INPP4B: variants seen among roughly 807,000 people sequenced by gnomAD.
The protein encoded by INPP4B is inositol polyphosphate-4-phosphatase type II B.
A neutral mutation model predicts 122.5 loss-of-function variants in INPP4B; 55 were observed. The ratio of observed to expected loss-of-function variants is 0.45; its 90% confidence interval spans 0.36 to 0.56. INPP4B has a LOEUF of 0.56. INPP4B is among the 20% of genes least tolerant of loss of function. The pLI, the probability that INPP4B is intolerant of heterozygous loss-of-function variation, is 0.00. For synonymous variants in INPP4B, 403 were observed against 388.7 expected (o/e 1.04, Z -0.43); for missense variants, 1,000 against 1,097.7 (o/e 0.91, Z 1.26).
chr4:142,053,140 G>A (rs1419478887), intron 25 of INPP4B, among the ~76,000 whole-genome samples: 1 of 152,004 alleles, frequency 6.6e-6, no homozygotes, highest in Non-Finnish European at 1.5e-5. Flanking sequence ...AAAGGACACG[G>A]CCAACAGGGA....
At chr4:142,800,995 A>G (rs1777923926) in intron 1 of INPP4B, among the ~76,000 whole-genome samples, 1 of 152,150 alleles carries the variant, frequency 6.6e-6, no homozygotes. Flanking sequence ...AATAGATTTG[A>G]TGAAGAGTGT....
intron 2 of INPP4B, among the ~76,000 whole-genome samples, chr4:142,582,194 A>AC (rs1735235846): frequency 1.0e-5 from 1 of 98,224 alleles, no homozygotes; most frequent in Non-Finnish European, 2.7e-5. Flanking sequence ...TCTAATGGAT[A>AC]CAAAAAAAAA....
intron 7 of INPP4B, among the ~76,000 whole-genome samples, chr4:142,389,882 G>C (rs1050391035): frequency 4.6e-5 from 7 of 152,184 alleles, no homozygotes; most frequent in African/African-American, 1.7e-4. Flanking sequence ...TTTTTGCCTA[G>C]AGGATGAAAG....
At chr4:142,839,511 A>G (rs1363394924) in intron 1 of INPP4B, among the ~76,000 whole-genome samples, 1 of 152,204 alleles carries the variant, frequency 6.6e-6, no homozygotes, top group African/African-American at 2.4e-5. Context: ...TCAAGTACTT[A>G]ATTTACCTAA....
intron 11 of INPP4B, among the ~76,000 whole-genome samples, chr4:142,245,185 A>G (rs1360695171): frequency 6.6e-6 from 1 of 152,034 alleles, no homozygotes; most frequent in Non-Finnish European, 1.5e-5. Context: ...GTTCACTCTG[A>G]TGATAGTTTC....
chr4:142,488,228 C>A (rs1821432849), intron 2 of INPP4B, among the ~76,000 whole-genome samples: 1 of 151,958 alleles, frequency 6.6e-6, no homozygotes, highest in Non-Finnish European at 1.5e-5. Flanking sequence ...TTGAACCAAT[C>A]TTGAATTCCT....
chr4:142,387,560 G>A lies in INPP4B; in HGVS notation c.372+15378C>T, dbSNP rs563636633. Among the ~76,000 whole-genome samples, 7 of 152,078 alleles carry A rather than the reference G, an allele frequency of 4.6e-5. No homozygotes were observed. In the South Asian group the frequency reaches 1.5e-3, roughly 32 times the overall value. On this transcript the variant is annotated intron_variant, in intron 7 of 25. Coordinates refer to ENST00000262992, the MANE Select transcript of INPP4B (RefSeq NM_001101669.3). ...CAAGGTTATATAGTGTGGCAAGCAG[G>A]GTTAGGTCACTAGGGCCACTCAGGG... is the stretch of plus-strand genomic sequence containing the variant.
At chr4:142,122,623 G>T (rs1797029104) in intron 20 of INPP4B, among the ~76,000 whole-genome samples, 1 of 151,954 alleles carries the variant, frequency 6.6e-6, no homozygotes. Context: ...TGCTAGTTTT[G>T]CATCTCCATA....
chr4:142,276,167 C>G (rs1241031049), intron 9 of INPP4B, among the ~76,000 whole-genome samples: 2 of 151,834 alleles, frequency 1.3e-5, no homozygotes, highest in Non-Finnish European at 1.5e-5. Context: ...AGTTTTATTA[C>G]TTCTCCTGTG....
chr4:142,186,878 T>A (rs1302914152), intron 15 of INPP4B, among the ~76,000 whole-genome samples: 1 of 152,170 alleles, frequency 6.6e-6, no homozygotes, highest in African/African-American at 2.4e-5. Flanking sequence ...CTTCATACAG[T>A]ATGTTCAAGC....
intron 2 of INPP4B, among the ~76,000 whole-genome samples, chr4:142,643,221 C>G (rs1359813228): frequency 1.3e-5 from 2 of 151,668 alleles, no homozygotes; most frequent in African/African-American, 4.9e-5. Flanking sequence ...CAAACAGGGC[C>G]AAAAATTTTA....
intron 25 of INPP4B, among the ~76,000 whole-genome samples, chr4:142,059,510 T>C (rs1225898304): frequency 6.6e-6 from 1 of 152,166 alleles, no homozygotes; most frequent in African/African-American, 2.4e-5. Context: ...GAACACAACA[T>C]ATTCATATAT....
chr4:142,390,760 G>A (rs1359360722), intron 7 of INPP4B, among the ~76,000 whole-genome samples: 2 of 152,098 alleles, frequency 1.3e-5, no homozygotes, highest in African/African-American at 4.8e-5. Flanking sequence ...AGTTATTGTA[G>A]ACCACAGAAA....
chr4:142,742,996 G>A (rs1768125975), intron 1 of INPP4B, among the ~76,000 whole-genome samples: 1 of 151,886 alleles, frequency 6.6e-6, no homozygotes, highest in Non-Finnish European at 1.5e-5. Context: ...GAATTCAAGT[G>A]TATTAACTTC....
intron 5 of INPP4B, among the ~76,000 whole-genome samples, chr4:142,412,581 T>C (rs1804846514): frequency 6.6e-6 from 1 of 152,224 alleles, no homozygotes; most frequent in South Asian, 2.1e-4. Context: ...AAATACTCTC[T>C]TCACTACTAT....
At chr4:142,570,431 G>C (rs1403438658) in intron 2 of INPP4B, among the ~76,000 whole-genome samples, 1 of 151,878 alleles carries the variant, frequency 6.6e-6, no homozygotes, top group African/African-American at 2.4e-5. Flanking sequence ...ATTTCTTAAA[G>C]TGTTTTAATT....
At chr4:142,377,268 G>C (rs886958566) in intron 7 of INPP4B, among the ~76,000 whole-genome samples, 1 of 151,466 alleles carries the variant, frequency 6.6e-6, no homozygotes, top group African/African-American at 2.4e-5. Context: ...ACATTTTGCT[G>C]ATCTTTTTTT....
At chr4:142,193,602 T>C (rs1836918708) in intron 14 of INPP4B, among the ~76,000 whole-genome samples, 1 of 152,052 alleles carries the variant, frequency 6.6e-6, no homozygotes, top group South Asian at 2.1e-4. Flanking sequence ...AAATTTTACA[T>C]AGAAAAAAAA....
At chr4:142,267,620 G>A (rs966312508) in intron 10 of INPP4B, among the ~76,000 whole-genome samples, 49 of 152,190 alleles carry the variant, frequency 3.2e-4, no homozygotes, top group African/African-American at 1.2e-3. Context: ...AAAAGTACTA[G>A]GAAGAAAACA....
Sources: gnomAD v4.1 joint callset for allele counts (sites outside exome capture counted in the v4.1 genomes callset) on GRCh38, gnomAD v4.1.1 for gene constraint, MANE v1.5 for transcripts, NCBI Gene and HGNC (gene_info 2026-07-23, HGNC 2026-07-21) for gene names.